KHDRBS2: variants seen among roughly 807,000 people sequenced by gnomAD.
The protein encoded by KHDRBS2 is KH domain-containing, RNA-binding, signal transduction-associated protein 2.
KHDRBS2 carries 26 observed loss-of-function variants against 44.3 expected under a neutral mutation model. That is an observed-to-expected ratio of 0.59 (90% CI 0.43 to 0.81). KHDRBS2 has a LOEUF of 0.81. Ranked by LOEUF, KHDRBS2 falls within the 40% of genes least tolerant of loss-of-function variation. The pLI is 0.00. For missense variants in KHDRBS2, 476 were observed against 433.1 expected (o/e 1.10, Z -0.88); for synonymous variants, 194 against 151.1 (o/e 1.28, Z -2.08).
chr6:61,909,467 T>C (rs545472576), intron 4 of KHDRBS2, among the ~76,000 whole-genome samples: 1 of 152,332 alleles, frequency 6.6e-6, no homozygotes, highest in Admixed American at 6.5e-5. Context: ...TTTAAAACCT[T>C]GTTATTTGAA....
At chr6:61,932,401 AT>A (rs932167426) in intron 4 of KHDRBS2, among the ~76,000 whole-genome samples, 1 of 152,122 alleles carries the variant, frequency 6.6e-6, no homozygotes, top group Non-Finnish European at 1.5e-5. Flanking sequence ...GTAATTATGT[AT>A]TTTTTGACCA....
chr6:61,782,418 G>A (rs1783073741), intron 6 of KHDRBS2, among the ~76,000 whole-genome samples: 1 of 151,792 alleles, frequency 6.6e-6, no homozygotes, highest in Non-Finnish European at 1.5e-5. Flanking sequence ...TTTGCACCAG[G>A]AACTCTTAGT....
At chr6:62,269,384 T>A (rs1839717483) in intron 1 of KHDRBS2, among the ~76,000 whole-genome samples, 1 of 151,966 alleles carries the variant, frequency 6.6e-6, no homozygotes, top group South Asian at 2.1e-4. Flanking sequence ...GCAACAAGAA[T>A]AAAAGACCCA....
chr6:61,701,401 C>A (rs1411790405), intron 7 of KHDRBS2, among the ~76,000 whole-genome samples: 1 of 151,870 alleles, frequency 6.6e-6, no homozygotes, highest in East Asian at 1.9e-4. Flanking sequence ...CTATTTCAAT[C>A]GCAAGAGATA....
chr6:61,940,232 A>T (rs1229609697), intron 4 of KHDRBS2, among the ~76,000 whole-genome samples: 1 of 129,716 alleles, frequency 7.7e-6, no homozygotes, highest in Non-Finnish European at 1.7e-5. Flanking sequence ...TGTAGTGGTA[A>T]ATAAAAGTTC....
chr6:61,723,221 C>A (rs1331475851), intron 7 of KHDRBS2, among the ~76,000 whole-genome samples: 5 of 151,862 alleles, frequency 3.3e-5, no homozygotes, highest in Non-Finnish European at 5.9e-5. Context: ...CCCACAAAAA[C>A]CCCATTCAAT....
chr6:61,727,070 C>T (rs1219692765), intron 7 of KHDRBS2, among the ~76,000 whole-genome samples: 1 of 152,048 alleles, frequency 6.6e-6, no homozygotes. Context: ...GGTACAAAAA[C>T]AAACATATAG....
At chr6:61,808,478 A>T (rs906660496) in intron 6 of KHDRBS2, among the ~76,000 whole-genome samples, 5 of 152,262 alleles carry the variant, frequency 3.3e-5, no homozygotes, top group Middle Eastern at 3.4e-3. Flanking sequence ...AATGAAACTG[A>T]GTTTTAGCAT....
chr6:61,746,099 T>C (rs1285145597), intron 6 of KHDRBS2, among the ~76,000 whole-genome samples: 1 of 152,106 alleles, frequency 6.6e-6, no homozygotes, highest in Admixed American at 6.6e-5. Context: ...AGTTCCGGGA[T>C]ACATGTGCAG....
chr6:61,706,809 A>C (rs1582277030), intron 7 of KHDRBS2, among the ~76,000 whole-genome samples: 1 of 151,810 alleles, frequency 6.6e-6, no homozygotes, highest in East Asian at 1.9e-4. Flanking sequence ...TATGTGACAA[A>C]ATTTATTTAT....
chr6:61,992,288 C>T (rs1444975567), intron 3 of KHDRBS2, among the ~76,000 whole-genome samples: 4 of 152,138 alleles, frequency 2.6e-5, no homozygotes, highest in Non-Finnish European at 5.9e-5. Context: ...CCATCTTCTG[C>T]CATCTCCTTT....
chr6:61,603,892 C>T, the KHDRBS2 span, among the ~76,000 whole-genome samples: 66 of 152,186 alleles, frequency 4.3e-4, no homozygotes, highest in South Asian at 4.2e-4. Flanking sequence ...CCCCATATTT[C>T]CTTCTTTCCT....
intron 2 of KHDRBS2, among the ~76,000 whole-genome samples, chr6:62,155,178 A>T (rs1357461255): frequency 1.3e-5 from 2 of 152,158 alleles, no homozygotes; most frequent in Non-Finnish European, 2.9e-5. Context: ...TTAGAGAAAA[A>T]AAATGGACAG....
At chr6:61,782,660 C>T (rs1783120475) in intron 6 of KHDRBS2, among the ~76,000 whole-genome samples, 1 of 127,130 alleles carries the variant, frequency 7.9e-6, no homozygotes, top group African/African-American at 2.8e-5. Flanking sequence ...AATAAGTATG[C>T]ATTTTTTATA....
chr6:61,935,114 C>A (rs1327943678), intron 4 of KHDRBS2, among the ~76,000 whole-genome samples: 2 of 152,048 alleles, frequency 1.3e-5, no homozygotes, highest in Non-Finnish European at 1.5e-5. Context: ...TTCTAAAACC[C>A]CTAATTTGTC....
the KHDRBS2 span, among the ~76,000 whole-genome samples, chr6:61,577,995 CTCTT>C: frequency 6.6e-6 from 1 of 151,958 alleles, no homozygotes; most frequent in Non-Finnish European, 1.5e-5. Flanking sequence ...TTAAAAGTCT[CTCTT>C]CATTAATAAA....
At chr6:62,154,611 G>A (rs1328890) in intron 2 of KHDRBS2, among the ~76,000 whole-genome samples, 92,507 of 151,864 alleles carry the variant, frequency 0.61, 28,355 homozygotes, top group Non-Finnish European at 0.62. Flanking sequence ...TCTTAGAGTT[G>A]AGACATAAAG....
the KHDRBS2 span, among the ~76,000 whole-genome samples, chr6:61,640,178 T>C: frequency 6.6e-6 from 1 of 152,016 alleles, no homozygotes; most frequent in African/African-American, 2.4e-5. Context: ...AGATAAAAAG[T>C]ATGAGGAATA....
intron 4 of KHDRBS2, among the ~76,000 whole-genome samples, chr6:61,923,074 GACAA>G (rs1354014968): frequency 2.0e-5 from 3 of 151,996 alleles, no homozygotes; most frequent in Admixed American, 6.6e-5. Context: ...AGACATTGAT[GACAA>G]ACAGTCTAAA....
Sources: allele counts gnomAD v4.1 joint callset (sites outside exome capture counted in the v4.1 genomes callset), GRCh38; gene constraint gnomAD v4.1.1; transcripts MANE v1.5; gene names NCBI Gene and HGNC (gene_info 2026-07-23, HGNC 2026-07-21).